Variants in SEMA6D observed in about 807,000 individuals in gnomAD.
SEMA6D encodes the protein semaphorin-6D.
A neutral mutation model predicts 106.6 loss-of-function variants in SEMA6D; 35 were observed. That is an observed-to-expected ratio of 0.33 (90% CI 0.25 to 0.44). SEMA6D has a LOEUF of 0.44. Ranked by LOEUF, SEMA6D falls within the 20% of genes least tolerant of loss-of-function variation. SEMA6D has a pLI of 1.00. For synonymous variants in SEMA6D, 499 were observed against 487.7 expected, an observed-to-expected ratio of 1.02 and a Z score of -0.31; for missense variants, 1,185 against 1,345.9, an observed-to-expected ratio of 0.88 and a Z score of 1.87.
chr15:47,419,800 T>G (rs926093493), intron 2 of SEMA6D, among the ~76,000 whole-genome samples: 10 of 152,092 alleles, frequency 6.6e-5, no homozygotes, highest in African/African-American at 2.4e-4. Flanking sequence ...TGAAAGACTT[T>G]CAGGAAGTAT....
At chr15:47,396,329 T>A (rs1053552296) in intron 1 of SEMA6D, 1 of 150,866 alleles carries the variant, frequency 6.6e-6, no homozygotes, top group Non-Finnish European at 1.5e-5. Flanking sequence ...TGAAGGGGAG[T>A]TTATTAGGAG....
At chr15:47,349,123 T>C (rs74847379) in intron 1 of SEMA6D, among the ~76,000 whole-genome samples, 1 of 152,032 alleles carries the variant, frequency 6.6e-6, no homozygotes, top group Non-Finnish European at 1.5e-5. Context: ...TTTTTTTTTT[T>C]TCTACACAGT....
chr15:47,761,519 C>T (rs1002171762), intron 6 of SEMA6D, 88 bp downstream of exon 6: 12 of 1,305,406 alleles, frequency 9.2e-6, no homozygotes, highest in Non-Finnish European at 1.2e-5. Context: ...TTCTGCTTTC[C>T]AGTAATTTGT....
chr15:47,622,215 A>T (rs2077117400), intron 4 of SEMA6D, among the ~76,000 whole-genome samples: 1 of 152,056 alleles, frequency 6.6e-6, no homozygotes, highest in South Asian at 2.1e-4. Context: ...AAAAAAAAAA[A>T]AAAAGAAATG....
At chr15:47,301,320 C>T (rs550285691) in intron 1 of SEMA6D, among the ~76,000 whole-genome samples, 1 of 152,302 alleles carries the variant, frequency 6.6e-6, no homozygotes, top group Admixed American at 6.5e-5. Flanking sequence ...TCAGGAAATG[C>T]TAGAGGGAGC....
chr15:47,494,388 A>G (rs2043570208), intron 3 of SEMA6D, among the ~76,000 whole-genome samples: 1 of 152,044 alleles, frequency 6.6e-6, no homozygotes, highest in Admixed American at 6.6e-5. Context: ...TGCTGTCTGT[A>G]AAACAGCTGA....
chr15:47,752,807 GA>G (rs1567076892), intron 1 of SEMA6D, among the ~76,000 whole-genome samples: 2 of 152,184 alleles, frequency 1.3e-5, no homozygotes, highest in South Asian at 4.2e-4. Flanking sequence ...TCAGGAGTTT[GA>G]GACCAGCCTG....
intron 2 of SEMA6D, among the ~76,000 whole-genome samples, chr15:47,450,273 G>T (rs887255213): frequency 6.6e-6 from 1 of 151,950 alleles, no homozygotes; most frequent in Non-Finnish European, 1.5e-5. Context: ...TTCTTTTCGT[G>T]CATTCATTCC....
intron 1 of SEMA6D, among the ~76,000 whole-genome samples, chr15:47,744,039 T>C (rs1212642384): frequency 6.6e-6 from 1 of 152,122 alleles, no homozygotes; most frequent in African/African-American, 2.4e-5. Context: ...AAAGCATCTA[T>C]TTACTAATTC....
intron 1 of SEMA6D, among the ~76,000 whole-genome samples, chr15:47,243,292 A>G (rs975051286): frequency 1.3e-5 from 2 of 152,144 alleles, no homozygotes; most frequent in Non-Finnish European, 2.9e-5. Context: ...ATCTCATAGC[A>G]TCAACCCATG....
intron 1 of SEMA6D, among the ~76,000 whole-genome samples, chr15:47,243,836 A>T (rs1028312814): frequency 1.3e-5 from 2 of 152,130 alleles, no homozygotes; most frequent in African/African-American, 2.4e-5. Flanking sequence ...TAATCCGCTC[A>T]TTCATTTATT....
intron 4 of SEMA6D, among the ~76,000 whole-genome samples, chr15:47,614,509 G>A (rs185987838): frequency 3.3e-5 from 5 of 152,208 alleles, no homozygotes; most frequent in African/African-American, 1.2e-4. Context: ...TGAGCTTCCT[G>A]TCTAAAGTCA....
intron 1 of SEMA6D, among the ~76,000 whole-genome samples, chr15:47,398,110 A>G (rs542001713): frequency 1.3e-5 from 2 of 152,314 alleles, no homozygotes; most frequent in African/African-American, 4.8e-5. Flanking sequence ...AAGCCATAGC[A>G]TTTGTGACTT....
chr15:47,257,054 A>G (rs1054812786), intron 1 of SEMA6D, among the ~76,000 whole-genome samples: 10 of 124,844 alleles, frequency 8.0e-5, no homozygotes, highest in African/African-American at 2.7e-4. Context: ...TGAGGAGAAC[A>G]GAATTCTTTT....
intron 1 of SEMA6D, among the ~76,000 whole-genome samples, chr15:47,727,973 C>T (rs947862770): frequency 1.1e-4 from 16 of 152,316 alleles, no homozygotes; most frequent in Admixed American, 6.5e-5. Context: ...GCAGAAAGCT[C>T]CGCTGGCTGA....
chr15:47,219,005 A>C (rs562055671), intron 1 of SEMA6D, among the ~76,000 whole-genome samples: 6 of 152,262 alleles, frequency 3.9e-5, no homozygotes, highest in African/African-American at 1.4e-4. Flanking sequence ...CTTATTTCCA[A>C]AGCTGTTCTT....
At chr15:47,451,352 A>T (rs1316854141) in intron 2 of SEMA6D, among the ~76,000 whole-genome samples, 1 of 151,992 alleles carries the variant, frequency 6.6e-6, no homozygotes, top group Non-Finnish European at 1.5e-5. Flanking sequence ...AAGTCTAAGA[A>T]CTACTTGAGT....
intron 3 of SEMA6D, among the ~76,000 whole-genome samples, chr15:47,580,920 G>T (rs1190975151): frequency 6.6e-6 from 1 of 152,222 alleles, no homozygotes; most frequent in Admixed American, 6.5e-5. Flanking sequence ...ACTGCACCCA[G>T]CTGAACTGAG....
intron 1 of SEMA6D, among the ~76,000 whole-genome samples, chr15:47,334,422 G>T (rs927704523): frequency 2.6e-5 from 4 of 152,178 alleles, no homozygotes; most frequent in African/African-American, 7.2e-5. Flanking sequence ...TGGGAGGAGG[G>T]AGAACAGTCT....
Sources: allele counts gnomAD v4.1 joint callset (sites outside exome capture counted in the v4.1 genomes callset), GRCh38; gene constraint gnomAD v4.1.1; transcripts MANE v1.5; gene names NCBI Gene and HGNC (gene_info 2026-07-23, HGNC 2026-07-21).